Variants in SETBP1 observed in about 807,000 individuals in gnomAD.
SETBP1 encodes SET-binding protein.
Under a neutral mutation model 101.0 loss-of-function variants are expected in SETBP1, and 9 were observed. The ratio of observed to expected loss-of-function variants is 0.09; its 90% CI spans 0.05 to 0.16. The LOEUF is 0.16. SETBP1 is among the 10% of genes least tolerant of loss of function. SETBP1 has a pLI of 1.00. For synonymous variants in SETBP1, 818 were observed against 788.5 expected (o/e 1.04, Z -0.63); for missense variants, 1,858 against 2,033.8 (o/e 0.91, Z 1.66).
chr18:44,852,866 T>C (rs2072901385), intron 2 of SETBP1, among the ~76,000 whole-genome samples: 1 of 152,182 alleles, frequency 6.6e-6, no homozygotes, highest in Non-Finnish European at 1.5e-5. Flanking sequence ...AAAGCAGTGA[T>C]TGCCATGTGT....
At chr18:44,776,835 C>T (rs529468118) in intron 2 of SETBP1, among the ~76,000 whole-genome samples, 17 of 152,308 alleles carry the variant, frequency 1.1e-4, no homozygotes, top group African/African-American at 3.4e-4. Context: ...GTTAATACTT[C>T]GTGTAGGATC....
intron 4 of SETBP1, among the ~76,000 whole-genome samples, chr18:44,956,724 T>C (rs1259634238): frequency 1.3e-5 from 2 of 152,206 alleles, no homozygotes; most frequent in Non-Finnish European, 2.9e-5. Flanking sequence ...TGATGAAAGA[T>C]ACCATCTAAA....
chr18:44,941,891 C>T (rs540412463), intron 3 of SETBP1, among the ~76,000 whole-genome samples: 82 of 152,134 alleles, frequency 5.4e-4, no homozygotes, highest in Non-Finnish European at 9.1e-4. Context: ...CTTTTAAATA[C>T]TTGCACATTT....
intron 4 of SETBP1, among the ~76,000 whole-genome samples, chr18:45,031,660 C>T (rs1226197774): frequency 6.6e-6 from 1 of 152,124 alleles, no homozygotes; most frequent in Non-Finnish European, 1.5e-5. Flanking sequence ...ATAGATGTGT[C>T]CATCTAACAT....
intron 2 of SETBP1, among the ~76,000 whole-genome samples, chr18:44,703,714 G>A (rs1271050044): frequency 6.6e-6 from 1 of 152,076 alleles, no homozygotes. Flanking sequence ...AGAACATAGA[G>A]GTTGTGCTCT....
intron 2 of SETBP1, among the ~76,000 whole-genome samples, chr18:44,795,547 A>C (rs2071456886): frequency 6.6e-6 from 1 of 152,216 alleles, no homozygotes. Context: ...TACTGGTTAC[A>C]TCCAGGGTGA....
chr18:44,880,026 C>T (rs2069494546), intron 3 of SETBP1, among the ~76,000 whole-genome samples: 1 of 152,236 alleles, frequency 6.6e-6, no homozygotes, highest in Non-Finnish European at 1.5e-5. Context: ...TGGAGGTCCA[C>T]TTTGGCTCCT....
chr18:44,835,259 T>G lies in SETBP1; in HGVS notation c.487-33971T>G, dbSNP rs893752749. Among the ~76,000 whole-genome samples, 6 of 152,112 alleles carry G rather than the reference T, an allele frequency of 3.9e-5. No individual in the cohort carries two copies. The East Asian group carries it at 1.2e-3, about 29-fold the overall frequency. ...TCCAAGGGAGGGGCTCTACAGCTCTTGCATCTCGAAGAGGCCCTTGGGTGC... is the reference window on the plus strand; with the variant it reads ...TCCAAGGGAGGGGCTCTACAGCTCTGGCATCTCGAAGAGGCCCTTGGGTGC... On this transcript the variant is annotated intron_variant, in intron 2 of 5. Coordinates refer to ENST00000649279, the MANE Select transcript of SETBP1 (RefSeq NM_015559.3).
At chr18:45,036,334 A>G (rs2145486739) in intron 4 of SETBP1, among the ~76,000 whole-genome samples, 1 of 98,122 alleles carries the variant, frequency 1.0e-5, no homozygotes, top group South Asian at 2.4e-4. Context: ...CTCTGTCTCA[A>G]AAAAAAAAAA....
intron 2 of SETBP1, among the ~76,000 whole-genome samples, chr18:44,843,861 A>G (rs946067458): frequency 6.6e-6 from 1 of 152,188 alleles, no homozygotes; most frequent in Non-Finnish European, 1.5e-5. Flanking sequence ...CCAAACCACC[A>G]CAATTAAACT....
chr18:45,032,323 C>G (rs774573132), intron 4 of SETBP1, among the ~76,000 whole-genome samples: 1 of 152,108 alleles, frequency 6.6e-6, no homozygotes, highest in African/African-American at 2.4e-5. Context: ...TGTCTTACCC[C>G]CCTCTCCACT....
intron 2 of SETBP1, among the ~76,000 whole-genome samples, chr18:44,834,984 G>A (rs2072466224): frequency 6.6e-6 from 1 of 152,198 alleles, no homozygotes; most frequent in African/African-American, 2.4e-5. Context: ...TGAAGTATGA[G>A]GTGGGACAGA....
intron 3 of SETBP1, among the ~76,000 whole-genome samples, chr18:44,882,175 C>T (rs959459765): frequency 6.6e-6 from 1 of 152,070 alleles, no homozygotes; most frequent in Non-Finnish European, 1.5e-5. Context: ...GTAGAGAAAA[C>T]AAAATTTGGA....
chr18:44,906,277 C>T (rs893223544), intron 3 of SETBP1, among the ~76,000 whole-genome samples: 1 of 152,092 alleles, frequency 6.6e-6, no homozygotes, highest in Non-Finnish European at 1.5e-5. Context: ...GTAGAAAGCT[C>T]CAGGAAAGAA....
chr18:44,734,060 A>C (rs2069904588), intron 2 of SETBP1, among the ~76,000 whole-genome samples: 1 of 152,214 alleles, frequency 6.6e-6, no homozygotes, highest in Non-Finnish European at 1.5e-5. Context: ...GAAGCAAATG[A>C]GGACAAGCCC....
intron 2 of SETBP1, among the ~76,000 whole-genome samples, chr18:44,744,280 C>G (rs1050639920): frequency 6.6e-6 from 1 of 152,242 alleles, no homozygotes; most frequent in African/African-American, 2.4e-5. Context: ...TGGAGCTGCA[C>G]GCCTGCTCCC....
intron 2 of SETBP1, among the ~76,000 whole-genome samples, chr18:44,772,740 C>G (rs1290819062): frequency 6.6e-6 from 1 of 152,066 alleles, no homozygotes; most frequent in African/African-American, 2.4e-5. Context: ...GTTTCTGCAC[C>G]TCAGTTTTCT....
Position 44,952,799 on chromosome 18 carries a change from A to G in SETBP1, c.3459A>G (p.Lys1153=). ...GTCGGCTCCATAAGAGGAAACACAA[A>G]CACAAGCATAAGCACAAGGAAGACC... is the stretch of plus-strand genomic sequence containing the variant. The part of the protein sequence containing the change: ...SSGRLHKRKH[K]HKHKHKEDRI... Residue 1153 remains lysine (K), a synonymous_variant, in exon 4 of 6, where the codon AAA becomes AAG. Transcript: ENST00000649279. 6.2e-7 allele frequency: 1 copy of G among 1,614,040 alleles called. No homozygotes were observed. The highest frequency in any genetic ancestry group is 8.5e-7 in the Non-Finnish European group (1 of 1,180,028).
chr18:44,766,253 A>G (rs1023283324), intron 2 of SETBP1, among the ~76,000 whole-genome samples: 1 of 152,238 alleles, frequency 6.6e-6, no homozygotes, highest in Admixed American at 6.5e-5. Context: ...ACAACGGGTC[A>G]TGGGGCTTGG....
Sources: gnomAD v4.1 joint callset for allele counts (sites outside exome capture counted in the v4.1 genomes callset) on GRCh38, gnomAD v4.1.1 for gene constraint, MANE v1.5 for transcripts, NCBI Gene and HGNC (gene_info 2026-07-23, HGNC 2026-07-21) for gene names.